Variants in USP6 observed in about 807,000 individuals in gnomAD.
The protein encoded by USP6 is ubiquitin specific peptidase 6.
A neutral mutation model predicts 175.7 loss-of-function variants in USP6; 128 were observed. The observed-to-expected ratio is 0.73, with a 90% CI of 0.63 to 0.84. USP6 has a LOEUF of 0.84. USP6 is among the 40% of genes least tolerant of loss of function. The pLI is 0.00. For synonymous variants in USP6, 562 were observed against 630.6 expected (o/e 0.89, Z 1.63); for missense variants, 1,498 against 1,760.3 (o/e 0.85, Z 2.67).
intron 17 of USP6, 61 bp from the exon 18 acceptor site, chr17:5,136,579 G>C (rs1321642030): frequency 4.4e-6 from 7 of 1,590,546 alleles, no homozygotes; most frequent in Middle Eastern, 4.6e-4. Context: ...AGCTCTTTCA[G>C]CTGATGGCTC....
At chr17:5,131,877 AG>A (rs2073079206) in intron 11 of USP6, among the ~76,000 whole-genome samples, 1 of 151,966 alleles carries the variant, frequency 6.6e-6, no homozygotes, top group Non-Finnish European at 1.5e-5. Context: ...ATGCAGGGAG[AG>A]GCAGGTGGAT....
At chr17:5,142,186 A>G (rs375834241) in intron 24 of USP6, 45 bp downstream of exon 24, 3 of 1,589,858 alleles carry the variant, frequency 1.9e-6, no homozygotes, top group African/African-American at 1.4e-5. Context: ...TGACTTTGAT[A>G]TAAACCCACT....
rs988370998 is a variant in USP6, at chr17:5,137,294, C to T, written c.825+108C>T. 31 of 1,426,352 alleles carry T rather than the reference C, an allele frequency of 2.2e-5. No individual in the cohort carries two copies. The highest frequency in any genetic ancestry group is 5.1e-5 in the Admixed American group (3 of 58,290). The allele number at this position is 1,426,352 out of a possible 1,614,324, so 88.4% of individuals were successfully genotyped here. A position where few individuals can be genotyped will look rare whatever the true frequency, so the allele number is the denominator to read the frequency against. On this transcript the variant is annotated intron_variant, in intron 19 of 37. Transcript: ENST00000574788. ...ACTCCCAGCCCACAGGAGGCTCAGG[C>T]GGGTCCCCGAAGGACACACAAGCAA...
At chr17:5,166,122 T>A (rs2074091241) in intron 33 of USP6, among the ~76,000 whole-genome samples, 1 of 152,208 alleles carries the variant, frequency 6.6e-6, no homozygotes, top group African/African-American at 2.4e-5. Context: ...GCACGTTTCC[T>A]TTTGAAGCAC....
chr17:5,135,945 C>T lies in USP6; in HGVS notation c.664+17C>T. ...CCCTGCCAGGTAGGTGAACAGCTGC[C>T]CGTGGGGCCTCACGCAGCCAGACCC... On this transcript the variant is annotated intron_variant, in intron 17 of 37. Coordinates refer to ENST00000574788, the MANE Select transcript of USP6 (RefSeq NM_001304284.2). 6.3e-7 allele frequency: 1 copy of T among 1,597,708 alleles called. No homozygotes were observed. The highest frequency in any genetic ancestry group is 1.1e-5 in the South Asian group (1 of 90,990).
intron 34 of USP6, 59 bp downstream of exon 34, chr17:5,168,182 G>C (rs1295643900): frequency 1.3e-6 from 2 of 1,492,394 alleles, no homozygotes; most frequent in Non-Finnish European, 9.0e-7. Flanking sequence ...AAGAAGACAT[G>C]AACAAACAGG....
At chr17:5,150,559 A>G (rs932814914) in intron 30 of USP6, among the ~76,000 whole-genome samples, 3 of 150,618 alleles carry the variant, frequency 2.0e-5, no homozygotes, top group African/African-American at 7.3e-5. Flanking sequence ...CAGTGGTGCA[A>G]TCTCGGTTCA....
intron 20 of USP6, 67 bp from the exon 21 acceptor site, chr17:5,138,054 G>A (rs2073314190): frequency 6.2e-7 from 1 of 1,612,036 alleles, no homozygotes; most frequent in Non-Finnish European, 8.5e-7. Flanking sequence ...GACTGAAGTG[G>A]CCACAGGGTA....
intron 33 of USP6, among the ~76,000 whole-genome samples, chr17:5,163,331 G>A (rs2074040849): frequency 6.6e-6 from 1 of 152,164 alleles, no homozygotes; most frequent in African/African-American, 2.4e-5. Context: ...CCTGGCTTCT[G>A]GCAAAGACTT....
Position 5,138,289 on chromosome 17 carries a change from A to G in USP6, c.1078+16A>G, listed in dbSNP as rs1296772920. On this transcript the variant is annotated intron_variant, in intron 21 of 37. Transcript: ENST00000574788. Reference sequence around the variant, plus strand: ...CCACCCCCAGGTGGGCTCCAGTGCCATGTCCCCTCCCATGTCAGCCTCTGG... The same window carrying G: ...CCACCCCCAGGTGGGCTCCAGTGCCGTGTCCCCTCCCATGTCAGCCTCTGG... 6.2e-7 allele frequency: 1 copy of G among 1,612,824 alleles called. No individual in the cohort carries two copies.
chr17:5,164,117 A>G (rs2074056271), intron 33 of USP6, among the ~76,000 whole-genome samples: 1 of 152,166 alleles, frequency 6.6e-6, no homozygotes, highest in South Asian at 2.1e-4. Context: ...TGGTTTTTGC[A>G]TTTTTATGGC....
intron 3 of USP6, among the ~76,000 whole-genome samples, chr17:5,121,069 A>G (rs2072647415): frequency 1.3e-5 from 2 of 152,202 alleles, no homozygotes; most frequent in Non-Finnish European, 2.9e-5. Context: ...TTGAGTACAT[A>G]CGCATACCCT....
chr17:5,160,702 C>CT (rs1472657601), intron 31 of USP6, among the ~76,000 whole-genome samples: 2 of 152,200 alleles, frequency 1.3e-5, no homozygotes, highest in Non-Finnish European at 2.9e-5. Flanking sequence ...GTGCATGTGT[C>CT]TTTCTAGCAG....
At position 5,150,303 on chromosome 17, in the gene USP6, T is replaced by TAAAA. The variant is rs1387913996; in HGVS notation, c.2643+1539_2643+1540insAAAA. Among the ~76,000 whole-genome samples, 13 of 134,346 alleles carry TAAAA rather than the reference T, an allele frequency of 9.7e-5. No individual in the cohort carries two copies. The Admixed American group carries it at 1.2e-3, about 12-fold the overall frequency. The allele number at this position is 134,346 out of a possible 152,430, so 88.1% of individuals were successfully genotyped here. A position where few individuals can be genotyped will look rare whatever the true frequency, so the allele number is the denominator to read the frequency against. On this transcript the variant is annotated intron_variant, in intron 30 of 37. Coordinates refer to ENST00000574788, the MANE Select transcript of USP6 (RefSeq NM_001304284.2). ...GCGAAACTCCGTCTAAAAAAATAAA[T>TAAAA]AAATAAATAAATAAATAAATAAATA...
rs2073331901 is a variant in USP6, at chr17:5,138,407, TA to T, written c.1078+136del. 4.0e-6 allele frequency: 6 copies of T among 1,504,128 alleles called. No individual in the cohort carries two copies. In the African/African-American group the frequency reaches 8.3e-5, roughly 21 times the overall value. The allele number at this position is 1,504,128 out of a possible 1,614,324, so 93.2% of individuals were successfully genotyped here. ...TCTTCCTCCTCTTCCTCCTGGACTCTAAGAAAGTACAGGAGGCCCACCGGTC... is the reference window on the plus strand; with the variant it reads ...TCTTCCTCCTCTTCCTCCTGGACTCTAGAAAGTACAGGAGGCCCACCGGTC... On this transcript the variant is annotated intron_variant, in intron 21 of 37. Coordinates refer to ENST00000574788, the MANE Select transcript of USP6 (RefSeq NM_001304284.2).
intron 6 of USP6, among the ~76,000 whole-genome samples, 188 bp from the exon 7 acceptor site, chr17:5,127,316 C>T (rs2143797062): frequency 6.6e-6 from 1 of 152,350 alleles, no homozygotes; most frequent in East Asian, 1.9e-4. Context: ...CCAGCCCCAG[C>T]CCCATCCTGC....
At chr17:5,131,868 T>G (rs2073079022) in intron 11 of USP6, among the ~76,000 whole-genome samples, 1 of 151,918 alleles carries the variant, frequency 6.6e-6, no homozygotes, top group Admixed American at 6.6e-5. Context: ...GTGGCTCAGA[T>G]GCAGGGAGAG....
At chr17:5,149,287 C>G (rs543308699) in intron 30 of USP6, among the ~76,000 whole-genome samples, 27 of 152,258 alleles carry the variant, frequency 1.8e-4, no homozygotes, top group Admixed American at 8.5e-4. Flanking sequence ...CCTGTAGTTT[C>G]AGCTACTTGA....
At chr17:5,125,670 ACG>A (rs1491317164) in intron 5 of USP6, among the ~76,000 whole-genome samples, 149 bp from the exon 6 acceptor site, 47,788 of 131,940 alleles carry the variant, frequency 0.36, 8,310 homozygotes, top group Admixed American at 0.43. Context: ...ACGCACACAC[ACG>A]CACATGCACA....
Sources: gnomAD v4.1 joint callset for allele counts (sites outside exome capture counted in the v4.1 genomes callset) on GRCh38, gnomAD v4.1.1 for gene constraint, MANE v1.5 for transcripts, NCBI Gene and HGNC (gene_info 2026-07-23, HGNC 2026-07-21) for gene names.